The following PTPRG variants were observed in gnomAD, a reference collection of about 807,000 sequenced individuals.
The protein encoded by PTPRG is receptor-type tyrosine-protein phosphatase gamma.
PTPRG carries 102 observed loss-of-function variants against 165.3 expected under a neutral mutation model. That is an observed-to-expected ratio of 0.62 (90% CI 0.53 to 0.73). The LOEUF (loss-of-function observed/expected upper bound fraction) is 0.73, where lower values mean the gene tolerates loss of function less well. PTPRG is among the 30% of genes least tolerant of loss of function. The pLI is 0.00. For missense variants in PTPRG, 1,866 were observed against 1,861.4 expected (o/e 1.00, Z -0.05); for synonymous variants, 675 against 669.5 (o/e 1.01, Z -0.13).
At chr3:61,633,034 C>T (rs937391607) in intron 1 of PTPRG, among the ~76,000 whole-genome samples, 7 of 152,120 alleles carry the variant, frequency 4.6e-5, no homozygotes, top group Admixed American at 2.6e-4. Context: ...CACCATCCTT[C>T]TTCTTGATTT....
In PTPRG at chr3:61,650,118, G is replaced by T. The variant is rs114071991; in HGVS notation, c.85+87746G>T. On this transcript the variant is annotated intron_variant, in intron 1 of 29. Coordinates refer to ENST00000474889, the MANE Select transcript of PTPRG (RefSeq NM_002841.4). ...ACCCATAAGCACCAGGGATTAAAAA[G>T]CCTGGTACTTTTTTTCCCCTGTACA... 8.8e-3 allele frequency among the ~76,000 whole-genome samples: 1,345 copies of T among 152,242 alleles called. 21 individuals are homozygous for T. Among genetic ancestry groups the T allele is most frequent in the African/African-American group, 0.031 (1,285 of 41,542 alleles).
chr3:62,129,324 G>T (rs1260507745), intron 5 of PTPRG, among the ~76,000 whole-genome samples: 1 of 152,024 alleles, frequency 6.6e-6, no homozygotes, highest in Non-Finnish European at 1.5e-5. Context: ...CTTTCTTTGA[G>T]CCTTCACATT....
chr3:62,170,468 C>G (rs1481099863), intron 8 of PTPRG, among the ~76,000 whole-genome samples: 1 of 152,020 alleles, frequency 6.6e-6, no homozygotes, highest in Admixed American at 6.5e-5. Context: ...ATGGGCCAAG[C>G]ATATGATATA....
intron 4 of PTPRG, among the ~76,000 whole-genome samples, chr3:62,026,830 A>G (rs192930011): frequency 1.4e-5 from 2 of 145,820 alleles, no homozygotes; most frequent in Admixed American, 7.2e-5. Flanking sequence ...AGGTTGCAGT[A>G]AGCCGAGATT....
At chr3:61,813,660 T>A (rs2035664526) in intron 2 of PTPRG, among the ~76,000 whole-genome samples, 1 of 151,574 alleles carries the variant, frequency 6.6e-6, no homozygotes, top group Non-Finnish European at 1.5e-5. Flanking sequence ...TAGTTGTAGT[T>A]GTAGTCATAA....
At chr3:62,207,494 C>T (rs766806661) in intron 12 of PTPRG, among the ~76,000 whole-genome samples, 2 of 152,170 alleles carry the variant, frequency 1.3e-5, no homozygotes, top group African/African-American at 4.8e-5. Context: ...TTAATGAAAT[C>T]GCCATCATTT....
intron 3 of PTPRG, among the ~76,000 whole-genome samples, chr3:62,000,544 A>G (rs1250322670): frequency 6.6e-6 from 1 of 152,174 alleles, no homozygotes; most frequent in Non-Finnish European, 1.5e-5. Context: ...ATATTGCTTT[A>G]GGTTTTGAAC....
In PTPRG at chr3:62,281,537, G is replaced by GGTTTTTTTTTTTTTTTT; in HGVS notation, c.3766-26_3766-25insGTTTTTTTTTTTTTTTT. 4.0e-5 allele frequency: 7 copies of GGTTTTTTTTTTTTTTTT among 174,770 alleles called. 1 individual carries two copies. The highest frequency in any genetic ancestry group is 5.7e-5 in the Non-Finnish European group (7 of 122,200). 10.8% of individuals were successfully genotyped at this position (174,770 alleles called of 1,614,324 possible). ...ACAAATCCTTGACAGAACTGCAGAG[G>GGTTTTTTTTTTTTTTTT]CTTTTTTTTTTTTTGGATTCCAAAG... On this transcript the variant is annotated intron_variant, in intron 26 of 29. Transcript: ENST00000474889.
rs183717228 is a variant in PTPRG at position 61,599,311 on chromosome 3, C to T, written c.85+36939C>T. 5.1e-4 allele frequency among the ~76,000 whole-genome samples: 77 copies of T among 152,172 alleles called. 1 individual carries two copies. In the East Asian group the frequency reaches 0.014, roughly 28 times the overall value. ...ATTATAGGCACACCACCACGCCTGG[C>T]TAATTTTTGTATGTTTAGTAGAGAC... On this transcript the variant is annotated intron_variant, in intron 1 of 29. Transcript: ENST00000474889.
intron 3 of PTPRG, among the ~76,000 whole-genome samples, chr3:61,990,114 A>G (rs114589007): frequency 0.035 from 5,344 of 152,154 alleles, 118 homozygotes; most frequent in South Asian, 0.053. Context: ...AAGCTACCCA[A>G]TCTAGTAGCC....
At chr3:62,001,358 T>A (rs1456129829) in intron 3 of PTPRG, among the ~76,000 whole-genome samples, 1 of 152,202 alleles carries the variant, frequency 6.6e-6, no homozygotes, top group Admixed American at 6.6e-5. Flanking sequence ...TATAAATGAT[T>A]TAGGTAAAAT....
intron 1 of PTPRG, among the ~76,000 whole-genome samples, chr3:61,663,064 A>C (rs1285177502): frequency 6.6e-6 from 1 of 152,250 alleles, no homozygotes; most frequent in Non-Finnish European, 1.5e-5. Flanking sequence ...TGGGTGGATC[A>C]CTTGAGCACA....
chr3:62,134,814 G>T (rs115961517), intron 6 of PTPRG, among the ~76,000 whole-genome samples: 2,697 of 152,234 alleles, frequency 0.018, 35 homozygotes, highest in African/African-American at 0.042. Context: ...AATCAAGTAA[G>T]CATACAAATA....
At chr3:61,630,467 A>G (rs551832437) in intron 1 of PTPRG, among the ~76,000 whole-genome samples, 10 of 152,286 alleles carry the variant, frequency 6.6e-5, no homozygotes, top group African/African-American at 2.2e-4. Flanking sequence ...GTGCTTTCCT[A>G]TTAATATGAC....
At chr3:61,734,385 C>G (rs1172533772) in intron 1 of PTPRG, among the ~76,000 whole-genome samples, 1 of 152,086 alleles carries the variant, frequency 6.6e-6, no homozygotes, top group Non-Finnish European at 1.5e-5. Flanking sequence ...CTCCTAATAC[C>G]ATCTATTTCT....
At chr3:61,955,407 T>C (rs1433897555) in intron 2 of PTPRG, among the ~76,000 whole-genome samples, 1 of 152,234 alleles carries the variant, frequency 6.6e-6, no homozygotes, top group Non-Finnish European at 1.5e-5. Context: ...TAGTTTTTAA[T>C]TTTAAAATAA....
At chr3:61,775,716 G>C (rs969872947) in intron 2 of PTPRG, among the ~76,000 whole-genome samples, 19 of 152,144 alleles carry the variant, frequency 1.2e-4, no homozygotes, top group African/African-American at 4.6e-4. Flanking sequence ...AGAAAATGTG[G>C]CACATATACA....
At chr3:62,033,912 C>T (rs868517177) in intron 4 of PTPRG, among the ~76,000 whole-genome samples, 4 of 152,070 alleles carry the variant, frequency 2.6e-5, no homozygotes, top group Non-Finnish European at 4.4e-5. Context: ...GGACTACAGG[C>T]GCCCGCTAAT....
At chr3:61,712,897 T>C (rs1196209149) in intron 1 of PTPRG, among the ~76,000 whole-genome samples, 1 of 152,196 alleles carries the variant, frequency 6.6e-6, no homozygotes, top group Admixed American at 6.5e-5. Flanking sequence ...GTTGACATTT[T>C]TTGAGTCAGT....
Sources: allele counts gnomAD v4.1 joint callset (sites outside exome capture counted in the v4.1 genomes callset), GRCh38; gene constraint gnomAD v4.1.1; transcripts MANE v1.5; gene names NCBI Gene and HGNC (gene_info 2026-07-23, HGNC 2026-07-21).